Variants in MLXIPL observed in about 807,000 individuals in gnomAD.
MLXIPL encodes the protein MLX interacting protein like.
A neutral mutation model predicts 81.5 loss-of-function variants in MLXIPL; 49 were observed. The observed-to-expected ratio is 0.60, with a 90% CI of 0.48 to 0.76. MLXIPL has a LOEUF of 0.76. MLXIPL is among the 30% of genes least tolerant of loss of function. The pLI is 0.00. For synonymous variants in MLXIPL, 466 were observed against 485.5 expected, an observed-to-expected ratio of 0.96 and a Z score of 0.53; for missense variants, 1,053 against 1,167.0, an observed-to-expected ratio of 0.90 and a Z score of 1.42.
rs1554597860 is a variant in MLXIPL, at chr7:73,605,909, C to T, written c.820+1G>A. The T allele has an allele frequency of 6.3e-7, 1 of 1,581,698 alleles. No individual in the cohort carries two copies. The highest frequency in any genetic ancestry group is 1.2e-5 in the South Asian group (1 of 86,890). Reference sequence around the variant, plus strand: ...TCCCCTGCCCTTTCTCAGACCCTCACCATCCTCAGGCGGCAGCTGCAGGGG... The same window carrying T: ...TCCCCTGCCCTTTCTCAGACCCTCATCATCCTCAGGCGGCAGCTGCAGGGG... On this transcript the variant is annotated splice_donor_variant, in intron 6 of 16. Transcript: ENST00000313375. LOFTEE classifies it high-confidence loss of function.
At chr7:73,634,398 G>A in the MLXIPL span, among the ~76,000 whole-genome samples, 1 of 151,910 alleles carries the variant, frequency 6.6e-6, no homozygotes, top group Non-Finnish European at 1.5e-5. Context: ...ACTTTAAAAG[G>A]AAAATTTTTT....
chr7:73,597,549 T>TG lies in MLXIPL; in HGVS notation c.1235dup (p.Pro413ThrfsTer89), dbSNP rs782807594. 2.3e-6 allele frequency: 2 copies of TG among 866,350 alleles called. No individual in the cohort carries two copies. Among genetic ancestry groups the TG allele is most frequent in the Non-Finnish European group, 1.3e-6 (1 of 747,152 alleles). The allele number at this position is 866,350 out of a possible 1,614,324, so 53.7% of individuals were successfully genotyped here. On this transcript the variant is annotated frameshift_variant, in exon 9 of 17. Coordinates refer to ENST00000313375, the MANE Select transcript of MLXIPL (RefSeq NM_032951.3). LOFTEE classifies it high-confidence loss of function. ...GTGGTGCCATGGGAGGGAAGGGAGGTGGGGGGCAGGGCTCCAGGCCTGGCA... is the reference window on the plus strand; with the variant it reads ...GTGGTGCCATGGGAGGGAAGGGAGGTGGGGGGGCAGGGCTCCAGGCCTGGCA...
chr7:73,624,056 G>T, intron 1 of MLXIPL, 144 bp downstream of exon 1: 1 of 1,165,986 alleles, frequency 8.6e-7, no homozygotes, highest in Non-Finnish European at 1.2e-6. Context: ...GAAAGGGGGT[G>T]TCCAGGGCGT....
intron 7 of MLXIPL, among the ~76,000 whole-genome samples, chr7:73,600,891 T>A (rs1199442533): frequency 6.6e-6 from 1 of 151,868 alleles, no homozygotes; most frequent in African/African-American, 2.4e-5. Context: ...CCTGACCACA[T>A]CCCGGGCCTG....
At chr7:73,626,469 A>ATTT (rs35194433), upstream of MLXIPL, among the ~76,000 whole-genome samples, 2,793 of 148,022 alleles carry the variant, frequency 0.019, 96 homozygotes, top group African/African-American at 0.066. Flanking sequence ...AACCTGGCTA[A>ATTT]TTTTTTTTTT....
intron 2 of MLXIPL, among the ~76,000 whole-genome samples, chr7:73,612,698 G>GC (rs1554599960): frequency 6.6e-6 from 1 of 150,950 alleles, no homozygotes; most frequent in Non-Finnish European, 1.5e-5. Flanking sequence ...GCCAAGTGAA[G>GC]CCCCCCTCCC....
intron 8 of MLXIPL, 135 bp downstream of exon 8, chr7:73,599,391 G>T (rs1554595311): frequency 1.8e-6 from 2 of 1,124,860 alleles, no homozygotes; most frequent in Non-Finnish European, 1.3e-6. Context: ...GGCAGAGATG[G>T]GGTCTTTCTT....
the MLXIPL span, among the ~76,000 whole-genome samples, chr7:73,637,335 C>T: frequency 6.6e-6 from 1 of 151,866 alleles, no homozygotes; most frequent in Non-Finnish European, 1.5e-5. Context: ...AATTAGCAGG[C>T]ATGGTGGCAC....
chr7:73,607,079 C>T, intron 4 of MLXIPL, 61 bp from the exon 5 acceptor site: 1 of 1,583,704 alleles, frequency 6.3e-7, no homozygotes, highest in South Asian at 1.1e-5. Context: ...CACTTTCCCC[C>T]CAAAGTCTCC....
At chr7:73,613,965 T>C (rs376283173) in intron 2 of MLXIPL, among the ~76,000 whole-genome samples, 2 of 152,164 alleles carry the variant, frequency 1.3e-5, no homozygotes, top group East Asian at 3.9e-4. Context: ...GGTGAAACCC[T>C]GTCTCCACTA....
the MLXIPL span, among the ~76,000 whole-genome samples, chr7:73,632,807 T>C: frequency 6.3e-5 from 9 of 143,922 alleles, no homozygotes; most frequent in Admixed American, 1.4e-4. Flanking sequence ...TCCGACGGAG[T>C]CTTGCTCTGT....
rs781824128 is a variant in MLXIPL at position 73,596,740 on chromosome 7, G to C, written c.1721C>G (p.Ala574Gly). The C allele has an allele frequency of 1.3e-6, 2 of 1,595,736 alleles. No individual in the cohort carries two copies. Among genetic ancestry groups the C allele is most frequent in the East Asian group, 2.3e-5 (1 of 44,380 alleles). Reference sequence around the variant, plus strand: ...TGGAGGTGGCCGGGGCGGTGTAGGGGCCGGGGTCGGGGGAAGGAATGTGCA... The same window carrying C: ...TGGAGGTGGCCGGGGCGGTGTAGGGCCCGGGGTCGGGGGAAGGAATGTGCA... ...FPCTFLPPTPAPTPPRPPPGP... is the reference protein window; with the variant it reads ...FPCTFLPPTPGPTPPRPPPGP... Residue 574 changes from alanine to glycine, a missense_variant, in exon 11 of 17, where the codon GCC becomes GGC. This residue lies in a region of MLXIPL where 823 missense variants were observed against 933.0 expected (regional missense o/e 0.88). Transcript: ENST00000313375. The surrounding 1 kb of genome is among the most constrained non-coding windows in gnomAD (Gnocchi z 4.7).
At position 73,607,366 on chromosome 7, in the gene MLXIPL, C is replaced by G. The variant is rs782412129; in HGVS notation, c.538G>C (p.Glu180Gln). The change falls in exon 4 of 17, where the codon GAA becomes CAA. Residue 180 changes from glutamate to glutamine, a missense_variant. By Grantham distance (29) the Glu-to-Gln change is conservative. Coordinates refer to ENST00000313375, the MANE Select transcript of MLXIPL (RefSeq NM_032951.3). ...TAGTAGATGCGCCACTTGTGGTATTCCCGCATCACCACCTCGATGCGCCGC... is the reference window on the plus strand; with the variant it reads ...TAGTAGATGCGCCACTTGTGGTATTGCCGCATCACCACCTCGATGCGCCGC... Reference protein sequence around the residue: ...WKRRIEVVMREYHKWRIYYKK... With the variant: ...WKRRIEVVMRQYHKWRIYYKK... 6.4e-6 allele frequency: 10 copies of G among 1,567,530 alleles called. No homozygotes were observed. The highest frequency in any genetic ancestry group is 5.7e-5 in the Admixed American group (3 of 52,930).
At chr7:73,606,901 CTG>C (rs1795323830) in intron 5 of MLXIPL, 71 bp downstream of exon 5, 3 of 1,531,660 alleles carry the variant, frequency 2.0e-6, no homozygotes, top group Non-Finnish European at 2.7e-6. Flanking sequence ...GAGGCGGAAA[CTG>C]TCAACTCTGC....
At position 73,606,095 on chromosome 7, in the gene MLXIPL, G is replaced by A. The variant is rs782071436; in HGVS notation, c.635C>T (p.Pro212Leu). 6 of 1,580,296 alleles carry A rather than the reference G, an allele frequency of 3.8e-6. No homozygotes were observed. Among genetic ancestry groups the A allele is most frequent in the South Asian group, 3.5e-5 (3 of 86,652 alleles). ...LAPKQAEGRW[P>L]PPEQWCKQLF... ...CTGTTTGCACCATTGCTCCGGCGGC[G>A]GCCACCTGCCTTCCGCCTAGGGAGA... The change falls in exon 6 of 17, where the codon CCG becomes CTG. Residue 212 changes from proline to leucine, a missense_variant. By Grantham distance (98) the Pro-to-Leu change is moderately conservative. Transcript: ENST00000313375.
At chr7:73,637,117 A>G in the MLXIPL span, among the ~76,000 whole-genome samples, 2 of 151,780 alleles carry the variant, frequency 1.3e-5, no homozygotes, top group African/African-American at 4.8e-5. Context: ...CTTCACTTCA[A>G]TTTTTCTAGT....
intron 2 of MLXIPL, among the ~76,000 whole-genome samples, chr7:73,615,056 C>T (rs563430267): frequency 1.3e-4 from 20 of 152,220 alleles, no homozygotes; most frequent in South Asian, 2.1e-4. Context: ...GTGATCTGCC[C>T]GCCTTGGCCT....
chr7:73,596,205 A>G lies in MLXIPL; in HGVS notation c.2006T>C (p.Phe669Ser). Residue 669 changes from phenylalanine (F) to serine (S), a missense_variant, in exon 13 of 17, where the codon TTT (phenylalanine) becomes TCT (serine). Transcript: ENST00000313375. The surrounding 1 kb of genome is among the most constrained non-coding windows in gnomAD (Gnocchi z 4.7). ...GCTCACGAGCCCATGAAGGGTGTCA[A>G]ACCCCAGCTTGATGTTGAAGCGCCG... ...QKRRFNIKLG[F>S]DTLHGLVSTL... 6 of 1,613,584 alleles carry G rather than the reference A, an allele frequency of 3.7e-6. No homozygotes were observed. Among genetic ancestry groups the G allele is most frequent in the Non-Finnish European group, 5.1e-6 (6 of 1,179,974 alleles).
intron 1 of MLXIPL, among the ~76,000 whole-genome samples, chr7:73,620,193 C>T (rs1467775760): frequency 1.3e-5 from 2 of 151,790 alleles, no homozygotes; most frequent in East Asian, 3.9e-4. Context: ...CACCTGAGGT[C>T]AGGAGTTCAA....
Sources: allele counts gnomAD v4.1 joint callset (sites outside exome capture counted in the v4.1 genomes callset), GRCh38; gene constraint gnomAD v4.1.1; regional missense constraint gnomAD v4.1.1; non-coding constraint Gnocchi (gnomAD v3.1); transcripts MANE v1.5; gene names NCBI Gene and HGNC (gene_info 2026-07-23, HGNC 2026-07-21).